Variants in MAGI3 observed in about 807,000 individuals in gnomAD.
MAGI3 encodes the protein membrane-associated guanylate kinase, WW and PDZ domain-containing protein 3.
Under a neutral mutation model 121.8 loss-of-function variants are expected in MAGI3, and 43 were observed. The ratio of observed to expected loss-of-function variants is 0.35; its 90% CI spans 0.28 to 0.46. The LOEUF is 0.46. Ranked by LOEUF, MAGI3 falls within the 20% of genes least tolerant of loss-of-function variation. The pLI is 1.00. For missense variants in MAGI3, 1,547 were observed against 1,797.3 expected (o/e 0.86, Z 2.52); for synonymous variants, 553 against 639.3 (o/e 0.86, Z 2.04).
chr1:113,442,231 T>C (rs1302774189), intron 1 of MAGI3, among the ~76,000 whole-genome samples: 2 of 152,132 alleles, frequency 1.3e-5, no homozygotes, highest in African/African-American at 2.4e-5. Context: ...GAAACTGTTT[T>C]GAGATAGATG....
intron 1 of MAGI3, among the ~76,000 whole-genome samples, chr1:113,524,514 A>C (rs1570799708): frequency 6.6e-6 from 1 of 152,056 alleles, no homozygotes; most frequent in Middle Eastern, 3.4e-3. Context: ...CTAAGGGGAT[A>C]ATTTTGGAGC....
chr1:113,641,045 AT>A (rs2101821476), intron 9 of MAGI3, among the ~76,000 whole-genome samples: 1 of 126,446 alleles, frequency 7.9e-6, no homozygotes, highest in Non-Finnish European at 1.6e-5. Context: ...TATATAATAT[AT>A]ATGATATATT....
At chr1:113,536,144 GTTTTT>G (rs34587648) in intron 1 of MAGI3, among the ~76,000 whole-genome samples, 8,337 of 145,502 alleles carry the variant, frequency 0.057, 266 homozygotes, top group Non-Finnish European at 0.075. Context: ...GAAGACATGT[GTTTTT>G]TTTTTTTTTT....
intron 1 of MAGI3, among the ~76,000 whole-genome samples, chr1:113,483,596 C>T (rs1423986438): frequency 4.6e-5 from 7 of 152,046 alleles, no homozygotes; most frequent in Admixed American, 2.0e-4. Context: ...TGTGGTATTC[C>T]GTTATAGTAG....
chr1:113,661,065 A>G (rs560166296), intron 16 of MAGI3, among the ~76,000 whole-genome samples: 2 of 152,342 alleles, frequency 1.3e-5, no homozygotes, highest in South Asian at 4.1e-4. Context: ...GATACCTATT[A>G]GCTAGTTACA....
chr1:113,453,314 A>G (rs1015201483), intron 1 of MAGI3, among the ~76,000 whole-genome samples: 5 of 152,108 alleles, frequency 3.3e-5, no homozygotes, highest in African/African-American at 1.2e-4. Context: ...TTCCAATTCA[A>G]ATTTCCATAA....
intron 2 of MAGI3, among the ~76,000 whole-genome samples, chr1:113,572,386 A>G (rs542635016): frequency 8.6e-4 from 131 of 152,286 alleles, no homozygotes; most frequent in Non-Finnish European, 1.6e-3. Flanking sequence ...AGGTTTTGGT[A>G]TCAGGATGAT....
intron 6 of MAGI3, among the ~76,000 whole-genome samples, chr1:113,601,892 A>T (rs1206911605): frequency 1.3e-5 from 2 of 149,076 alleles, no homozygotes; most frequent in South Asian, 2.2e-4. Context: ...CTATGCAGCC[A>T]TAAAAAATGA....
At chr1:113,648,277 A>G (rs1422014413) in intron 12 of MAGI3, among the ~76,000 whole-genome samples, 4 of 152,136 alleles carry the variant, frequency 2.6e-5, no homozygotes, top group Non-Finnish European at 5.9e-5. Context: ...GAATTTACTA[A>G]TCTCACTTTT....
intron 1 of MAGI3, among the ~76,000 whole-genome samples, chr1:113,416,396 TATTA>T (rs1160281657): frequency 8.4e-5 from 5 of 59,786 alleles, no homozygotes; most frequent in South Asian, 1.2e-3. Flanking sequence ...ATATATTAAT[TATTA>T]ATTAATTAAT....
chr1:113,405,055 AT>A (rs1179374270), intron 1 of MAGI3, among the ~76,000 whole-genome samples: 2 of 152,116 alleles, frequency 1.3e-5, no homozygotes, highest in Non-Finnish European at 2.9e-5. Context: ...TTGAGTTCAG[AT>A]TTTCTGATGT....
intron 17 of MAGI3, among the ~76,000 whole-genome samples, chr1:113,672,323 C>T (rs114799778): frequency 0.016 from 2,488 of 152,256 alleles, 77 homozygotes; most frequent in African/African-American, 0.056. Flanking sequence ...ACAGGGTCAG[C>T]TTAACTGCCC....
rs373465900 is a variant in MAGI3, at chr1:113,580,553, G to T, written c.445G>T (p.Ala149Ser). The T allele has an allele frequency of 2.5e-6, 4 of 1,609,022 alleles. No individual in the cohort carries two copies. The highest frequency in any genetic ancestry group is 3.4e-6 in the Non-Finnish European group (4 of 1,177,286). ...TTCTTTTTTCTTAGGCACTACAAGGGCCCCCAGGGATGGAGAAGTACCAGG... is the reference window on the plus strand; with the variant it reads ...TTCTTTTTTCTTAGGCACTACAAGGTCCCCCAGGGATGGAGAAGTACCAGG... ...YLRTIPCTTR[A>S]PRDGEVPGVD... The change falls in exon 3 of 21, where the codon GCC becomes TCC. Residue 149 changes from alanine (A) to serine (S), a missense_variant. Transcript: ENST00000307546.
At chr1:113,657,735 T>A (rs1385625758) in intron 15 of MAGI3, among the ~76,000 whole-genome samples, 1 of 152,232 alleles carries the variant, frequency 6.6e-6, no homozygotes, top group Non-Finnish European at 1.5e-5. Context: ...TAATGCCTGA[T>A]ATGACATGGC....
At chr1:113,552,586 A>C (rs6537790) in intron 2 of MAGI3, among the ~76,000 whole-genome samples, 80,591 of 151,928 alleles carry the variant, frequency 0.53, 23,790 homozygotes, top group East Asian at 0.75. Context: ...TCTTTTTTTT[A>C]TACTGCCCTC....
At chr1:113,622,471 G>A (rs1376881794) in intron 8 of MAGI3, among the ~76,000 whole-genome samples, 1 of 152,158 alleles carries the variant, frequency 6.6e-6, no homozygotes, top group East Asian at 1.9e-4. Flanking sequence ...GAAAGCCTGA[G>A]CTGTGAATTA....
chr1:113,684,045 G>T lies in MAGI3; in HGVS notation c.*31G>T, dbSNP rs764309071. On this transcript the variant is annotated 3_prime_UTR_variant, in exon 21 of 21. Transcript: ENST00000307546. ...AGTATAAAACAAAGAAAAACAAGTT[G>T]TAATCTTTTCTTACAGCAGCATTTT... The T allele has an allele frequency of 1.4e-5, 21 of 1,460,130 alleles. No homozygotes were observed. The South Asian group carries it at 2.0e-4, about 14-fold the overall frequency. The allele number at this position is 1,460,130 out of a possible 1,614,324, so 90.4% of individuals were successfully genotyped here.
intron 4 of MAGI3, among the ~76,000 whole-genome samples, chr1:113,585,824 A>G (rs952852242): frequency 6.6e-6 from 1 of 152,194 alleles, no homozygotes; most frequent in African/African-American, 2.4e-5. Context: ...ATCATTAGTA[A>G]TAAAATATAT....
chr1:113,610,470 A>C (rs1650050121), intron 6 of MAGI3, among the ~76,000 whole-genome samples: 1 of 151,962 alleles, frequency 6.6e-6, no homozygotes, highest in Admixed American at 6.6e-5. Context: ...TTATCTTCTT[A>C]TATTTCTCTT....
Sources: gnomAD v4.1 joint callset for allele counts (sites outside exome capture counted in the v4.1 genomes callset) on GRCh38, gnomAD v4.1.1 for gene constraint, MANE v1.5 for transcripts, NCBI Gene and HGNC (gene_info 2026-07-23, HGNC 2026-07-21) for gene names.